OBI1: variants seen among roughly 807,000 people sequenced by gnomAD.
OBI1 encodes the protein ORC ubiquitin ligase 1.
In OBI1, 59 loss-of-function variants were observed where a neutral mutation model predicts 62.4. The observed-to-expected ratio is 0.95, with a 90% CI of 0.77 to 1.17. The LOEUF (loss-of-function observed/expected upper bound fraction) is 1.17. Ranked by LOEUF, OBI1 falls within the 50% of genes most tolerant of loss-of-function variation. The pLI is 0.00. For synonymous variants in OBI1, 302 were observed against 292.8 expected (o/e 1.03, Z -0.32); for missense variants, 875 against 830.9 (o/e 1.05, Z -0.65).
At chr13:78,624,749 T>C (rs535258646) in intron 5 of OBI1, among the ~76,000 whole-genome samples, 10 of 152,228 alleles carry the variant, frequency 6.6e-5, no homozygotes, top group South Asian at 4.1e-4. Flanking sequence ...CCACATAGTA[T>C]TGGGTCAGCA....
In OBI1 at chr13:78,615,572, C is replaced by T. The variant is rs1230832391; in HGVS notation, c.*8G>A. Reference sequence around the variant, plus strand: ...GGACAAAACCACAAATGACACCTTTCTAATGAGTCAACTTTTAGTTGCTTT... The same window carrying T: ...GGACAAAACCACAAATGACACCTTTTTAATGAGTCAACTTTTAGTTGCTTT... On this transcript the variant is annotated 3_prime_UTR_variant, in exon 6 of 6. Coordinates refer to ENST00000282003, the MANE Select transcript of OBI1 (RefSeq NM_024546.4). The T allele has an allele frequency of 6.4e-7, 1 of 1,574,648 alleles. No individual in the cohort carries two copies. Among genetic ancestry groups the T allele is most frequent in the Non-Finnish European group, 8.6e-7 (1 of 1,161,740 alleles).
intron 5 of OBI1, among the ~76,000 whole-genome samples, chr13:78,618,407 C>CAA (rs200253309): frequency 1.5e-3 from 229 of 150,744 alleles, no homozygotes; most frequent in African/African-American, 5.4e-3. Context: ...AAAAAAACTA[C>CAA]AAAAAAAGCA....
rs147936726 is a variant in OBI1, at chr13:78,627,804, T to A, written c.638+7306A>T. ...TTCCCATTCTTTATACGACACATCA[T>A]GTCAAGGTAATAGATTTCCTTTAAT... On this transcript the variant is annotated intron_variant, in intron 5 of 5. Transcript: ENST00000282003. Among the ~76,000 whole-genome samples the A allele has an allele frequency of 2.8e-4, 43 of 152,374 alleles. 1 individual carries two copies. The East Asian group carries it at 8.3e-3, about 29-fold the overall frequency.
chr13:78,649,395 T>C (rs1876479353), intron 1 of OBI1, among the ~76,000 whole-genome samples: 1 of 152,080 alleles, frequency 6.6e-6, no homozygotes, highest in Non-Finnish European at 1.5e-5. Context: ...ATAAGTAAAA[T>C]ATTGATGTGA....
chr13:78,656,450 C>T (rs1167326664), intron 1 of OBI1, among the ~76,000 whole-genome samples: 6 of 151,904 alleles, frequency 3.9e-5, no homozygotes, highest in Admixed American at 1.3e-4. Context: ...GGCGTGGTGG[C>T]GCATGCCTGT....
chr13:78,654,695 C>T (rs1876644105), intron 1 of OBI1, among the ~76,000 whole-genome samples: 1 of 152,186 alleles, frequency 6.6e-6, no homozygotes, highest in Admixed American at 6.5e-5. Flanking sequence ...AGTCAGTCTA[C>T]TAGAGGATAC....
At chr13:78,626,191 A>C (rs1875661320) in intron 5 of OBI1, among the ~76,000 whole-genome samples, 2 of 152,198 alleles carry the variant, frequency 1.3e-5, no homozygotes, top group South Asian at 4.1e-4. Context: ...TAAAGAGGAA[A>C]GCTTCCAGAA....
intron 5 of OBI1, among the ~76,000 whole-genome samples, chr13:78,628,912 T>G (rs182884600): frequency 4.0e-4 from 61 of 151,804 alleles, no homozygotes; most frequent in Admixed American, 2.0e-3. Context: ...GAATGTGAGG[T>G]CAAAGATTTT....
intron 1 of OBI1, among the ~76,000 whole-genome samples, chr13:78,652,073 GAA>G (rs1298808334): frequency 6.6e-6 from 1 of 152,132 alleles, no homozygotes; most frequent in African/African-American, 2.4e-5. Context: ...TCACCCACAG[GAA>G]AGTTTTCTGC....
In OBI1 at chr13:78,616,206, T is replaced by C. The variant is rs747944263; in HGVS notation, c.1555A>G (p.Met519Val). The part of the protein sequence containing the change: ...KRLNSIRSFE[M>V]NRTRTSSEAS... Reference sequence around the variant, plus strand: ...TCACTGGATGTTCTTGTCCGGTTCATTTCAAAAGAGCGAATAGAATTCAAC... The same window carrying C: ...TCACTGGATGTTCTTGTCCGGTTCACTTCAAAAGAGCGAATAGAATTCAAC... The change falls in exon 6 of 6, where the codon ATG (methionine) becomes GTG (valine). Residue 519 changes from methionine to valine, a missense_variant. By Grantham distance (21) the Met-to-Val change is conservative (BLOSUM62 1). Transcript: ENST00000282003. 1 of 1,614,136 alleles carries C rather than the reference T, an allele frequency of 6.2e-7. No homozygotes were observed. Among genetic ancestry groups the C allele is most frequent in the Non-Finnish European group, 8.5e-7 (1 of 1,180,008 alleles).
intron 5 of OBI1, among the ~76,000 whole-genome samples, chr13:78,619,513 A>C (rs1334706259): frequency 6.6e-6 from 1 of 151,992 alleles, no homozygotes; most frequent in African/African-American, 2.4e-5. Flanking sequence ...GTTTTCTAAA[A>C]GGCCACTGCC....
chr13:78,621,192 T>C (rs949243191), intron 5 of OBI1, among the ~76,000 whole-genome samples: 1 of 152,244 alleles, frequency 6.6e-6, no homozygotes, highest in African/African-American at 2.4e-5. Context: ...CCTTGCTTTA[T>C]ATGGTTCCAA....
intron 1 of OBI1, among the ~76,000 whole-genome samples, chr13:78,657,100 T>C (rs1262242319): frequency 6.6e-6 from 1 of 152,218 alleles, no homozygotes; most frequent in Non-Finnish European, 1.5e-5. Context: ...TTTTTGAGCC[T>C]GTTTCCTTAT....
chr13:78,638,584 T>C (rs118045973), intron 4 of OBI1, among the ~76,000 whole-genome samples: 1,787 of 152,306 alleles, frequency 0.012, 17 homozygotes, highest in Admixed American at 0.017. Context: ...GATGCAATCT[T>C]ATACAGAAGC....
At chr13:78,651,918 T>G (rs927188635) in intron 1 of OBI1, among the ~76,000 whole-genome samples, 1 of 152,116 alleles carries the variant, frequency 6.6e-6, no homozygotes, top group Non-Finnish European at 1.5e-5. Context: ...ATCCTAAAAG[T>G]GCTTCAAGCA....
At position 78,642,232 on chromosome 13, in the gene OBI1, A is replaced by G; in HGVS notation, c.209-19T>C. 1 of 1,455,330 alleles carries G rather than the reference A, an allele frequency of 6.9e-7. No homozygotes were observed. Among genetic ancestry groups the G allele is most frequent in the Non-Finnish European group, 9.6e-7 (1 of 1,045,202 alleles). The allele number at this position is 1,455,330 out of a possible 1,614,324, so 90.2% of individuals were successfully genotyped here. ...GTTCCTCCTGTAGGGAAAAAAAAAA[A>G]AATCCTAATTTTTCATTCTGATTCG... On this transcript the variant is annotated intron_variant, in intron 2 of 5. Coordinates refer to ENST00000282003, the MANE Select transcript of OBI1 (RefSeq NM_024546.4).
intron 5 of OBI1, among the ~76,000 whole-genome samples, chr13:78,627,030 C>T (rs1875691389): frequency 6.6e-6 from 1 of 152,166 alleles, no homozygotes; most frequent in African/African-American, 2.4e-5. Flanking sequence ...GGTGCCACTG[C>T]ACTCCAGCCT....
In OBI1 at chr13:78,651,758, T is replaced by C. The variant is rs7990223; in HGVS notation, c.73-6761A>G. On this transcript the variant is annotated intron_variant, in intron 1 of 5. Transcript: ENST00000282003. ...TATTTAATGTTCACCTCTTTCTGCA[T>C]TGTGCTGTACTTAGAAACTGCTTAC... Among the ~76,000 whole-genome samples the C allele has an allele frequency of 5.8e-3, 878 of 152,352 alleles. 7 individuals are homozygous for C. Among genetic ancestry groups the C allele is most frequent in the African/African-American group, 0.019 (786 of 41,574 alleles).
chr13:78,648,471 G>T (rs1593800418), intron 1 of OBI1, among the ~76,000 whole-genome samples: 1 of 151,824 alleles, frequency 6.6e-6, no homozygotes, highest in African/African-American at 2.4e-5. Flanking sequence ...CAATGCTCAA[G>T]ACATAAAAGT....
Sources: gnomAD v4.1 joint callset for allele counts (sites outside exome capture counted in the v4.1 genomes callset) on GRCh38, gnomAD v4.1.1 for gene constraint, MANE v1.5 for transcripts, NCBI Gene and HGNC (gene_info 2026-07-23, HGNC 2026-07-21) for gene names.